DAB1: variants seen among roughly 807,000 people sequenced by gnomAD.
DAB1 encodes the protein DAB adaptor protein 1.
DAB1 carries 15 observed loss-of-function variants against 64.6 expected under a neutral mutation model. That is an observed-to-expected ratio of 0.23 (90% CI 0.16 to 0.36). The LOEUF (loss-of-function observed/expected upper bound fraction) is 0.36. Among genes scored for constraint, DAB1 ranks in the 10% least tolerant of loss-of-function variants. The pLI is 1.00. For missense variants in DAB1, 596 were observed against 706.7 expected, an observed-to-expected ratio of 0.84 and a Z score of 1.78; for synonymous variants, 235 against 251.9, an observed-to-expected ratio of 0.93 and a Z score of 0.64.
At chr1:57,896,251 CA>C (rs1644389984) in intron 5 of DAB1, among the ~76,000 whole-genome samples, 1 of 152,076 alleles carries the variant, frequency 6.6e-6, no homozygotes, top group African/African-American at 2.4e-5. Context: ...GTGTACATCA[CA>C]AGGGAGGGGA....
chr1:57,689,220 AG>A (rs1262939583), intron 6 of DAB1, among the ~76,000 whole-genome samples: 2 of 152,154 alleles, frequency 1.3e-5, no homozygotes, highest in African/African-American at 4.8e-5. Context: ...GTCTTGTGAA[AG>A]GGGGTAGCAG....
rs139575709 is a variant in DAB1 at position 57,753,136 on chromosome 1, C to G, written n.552-103471G>C. On this transcript the variant is annotated intron_variant and non_coding_transcript_variant, in intron 6 of 20. Coordinates refer to the DAB1 transcript ENST00000485760. ...GTTCACCTGGGGTCTTTGGCCTACTCTTGCTCATGTCCAGGAACTGTAGTC... is the reference window on the plus strand; with the variant it reads ...GTTCACCTGGGGTCTTTGGCCTACTGTTGCTCATGTCCAGGAACTGTAGTC... 3.2e-3 allele frequency among the ~76,000 whole-genome samples: 494 copies of G among 152,266 alleles called. 2 individuals are homozygous for G. Among genetic ancestry groups the G allele is most frequent in the African/African-American group, 0.011 (454 of 41,562 alleles).
chr1:58,047,680 A>T (rs1191313409), intron 5 of DAB1, among the ~76,000 whole-genome samples: 2 of 152,210 alleles, frequency 1.3e-5, no homozygotes, highest in Admixed American at 6.5e-5. Context: ...TAAATGAAAG[A>T]TCTTCACGCA....
intron 7 of DAB1, among the ~76,000 whole-genome samples, chr1:57,505,287 G>C (rs536093855): frequency 6.6e-6 from 1 of 152,114 alleles, no homozygotes; most frequent in Admixed American, 6.6e-5. Context: ...ACACTGTGGG[G>C]TGCTTTTTAC....
chr1:58,127,636 A>G (rs1557662242), intron 5 of DAB1, among the ~76,000 whole-genome samples: 1 of 152,204 alleles, frequency 6.6e-6, no homozygotes, highest in African/African-American at 2.4e-5. Context: ...TGATTTTTGT[A>G]TAAGGTGTAA....
At chr1:57,437,541 ACT>A (rs1316303925) in intron 7 of DAB1, among the ~76,000 whole-genome samples, 24 of 152,320 alleles carry the variant, frequency 1.6e-4, no homozygotes, top group African/African-American at 5.8e-4. Flanking sequence ...AGTAATTTGA[ACT>A]GTAATTCTTC....
intron 5 of DAB1, among the ~76,000 whole-genome samples, chr1:58,132,731 C>G (rs533728915): frequency 5.1e-4 from 78 of 152,270 alleles, no homozygotes; most frequent in Middle Eastern, 3.4e-3. Context: ...TATGGGAGAG[C>G]CAGCCTCGCC....
At chr1:58,376,250 A>G (rs1226371652) in intron 3 of DAB1, among the ~76,000 whole-genome samples, 1 of 142,422 alleles carries the variant, frequency 7.0e-6, no homozygotes, top group Non-Finnish European at 1.6e-5. Flanking sequence ...TTGCTTTTCT[A>G]GTTCTTTTAA....
intron 5 of DAB1, among the ~76,000 whole-genome samples, chr1:58,093,839 G>A (rs923045358): frequency 6.6e-6 from 1 of 152,216 alleles, no homozygotes; most frequent in Middle Eastern, 3.2e-3. Context: ...CTGGCACAGG[G>A]AGAAGACTAC....
rs1225770339 is a variant in DAB1 at position 58,269,832 on chromosome 1, T to C, written n.309+73520A>G. 2.6e-4 allele frequency among the ~76,000 whole-genome samples: 13 copies of C among 49,960 alleles called. No homozygotes were observed. In the Admixed American group the frequency reaches 3.4e-3, roughly 13 times the overall value. The allele number at this position is 49,960 out of a possible 152,430, so 32.8% of individuals were successfully genotyped here. A position where few individuals can be genotyped will look rare whatever the true frequency, so the allele number is the denominator to read the frequency against. On this transcript the variant is annotated intron_variant and non_coding_transcript_variant, in intron 4 of 20. Transcript: ENST00000485760. ...TGCATAAATGTCTTCTTTTGAGAAG[T>C]GTCTGTTCATGTCCCTCGCCCACTT...
chr1:57,273,255 C>T (rs776153824), intron 2 of DAB1, among the ~76,000 whole-genome samples: 8 of 152,138 alleles, frequency 5.3e-5, no homozygotes, highest in African/African-American at 7.2e-5. Flanking sequence ...GAGAATGCAC[C>T]TCGCCAACCT....
chr1:57,226,672 A>AAAATATATATATATATATATAT (rs747021990), intron 2 of DAB1, among the ~76,000 whole-genome samples: 6 of 135,998 alleles, frequency 4.4e-5, no homozygotes, highest in African/African-American at 1.9e-4. Context: ...TTAAAAAAAA[A>AAAATATATATATATATATATAT]ATATATATAT....
intron 1 of DAB1, among the ~76,000 whole-genome samples, chr1:57,344,979 C>A (rs1677961742): frequency 6.6e-6 from 1 of 152,180 alleles, no homozygotes; most frequent in Non-Finnish European, 1.5e-5. Flanking sequence ...TCATGTGCTA[C>A]CCCGATAGGA....
intron 11 of DAB1, among the ~76,000 whole-genome samples, chr1:57,018,889 C>T (rs1646521338): frequency 6.6e-6 from 1 of 152,176 alleles, no homozygotes; most frequent in Admixed American, 6.5e-5. Context: ...GCAAACAAAA[C>T]CCAACCTGCT....
intron 5 of DAB1, among the ~76,000 whole-genome samples, chr1:58,118,503 T>TATATATATATACAC (rs1341446315): frequency 0.024 from 1,257 of 52,694 alleles, 42 homozygotes; most frequent in East Asian, 0.06. Context: ...TATATATATA[T>TATATATATATACAC]ACACACACAC....
chr1:57,007,743 G>C (rs1251229561), intron 14 of DAB1, among the ~76,000 whole-genome samples: 2 of 152,206 alleles, frequency 1.3e-5, no homozygotes, highest in Non-Finnish European at 2.9e-5. Context: ...GGTGATAAGA[G>C]AGACAGGACT....
intron 4 of DAB1, among the ~76,000 whole-genome samples, chr1:57,124,240 G>C (rs1656926771): frequency 6.6e-6 from 1 of 152,190 alleles, no homozygotes; most frequent in Non-Finnish European, 1.5e-5. Flanking sequence ...TCAGTGCAAA[G>C]GTGATTGTAC....
At chr1:57,660,884 T>C (rs1309374466) in intron 6 of DAB1, among the ~76,000 whole-genome samples, 1 of 152,200 alleles carries the variant, frequency 6.6e-6, no homozygotes, top group Non-Finnish European at 1.5e-5. Flanking sequence ...ACTGTTTAGC[T>C]TCCCACTCTG....
At chr1:58,266,737 A>G (rs905999494) in intron 4 of DAB1, among the ~76,000 whole-genome samples, 3 of 152,324 alleles carry the variant, frequency 2.0e-5, no homozygotes, top group Middle Eastern at 3.4e-3. Context: ...TCCCAAACAC[A>G]CTAGAATAGT....
Sources: gnomAD v4.1 joint callset for allele counts (sites outside exome capture counted in the v4.1 genomes callset) on GRCh38, gnomAD v4.1.1 for gene constraint, MANE v1.5 for transcripts, NCBI Gene and HGNC (gene_info 2026-07-23, HGNC 2026-07-21) for gene names.